Variants in PRR5 observed in about 807,000 individuals in gnomAD.
PRR5 encodes the protein proline rich 5, also known as proline-rich protein 5.
In PRR5, 25 loss-of-function variants were observed where a neutral mutation model predicts 30.6. That is an observed-to-expected ratio of 0.82 (90% CI 0.60 to 1.14). PRR5 has a LOEUF of 1.14. PRR5 is among the 50% of genes most tolerant of loss of function. The pLI is 0.00. For missense variants in PRR5, 600 were observed against 547.1 expected (o/e 1.10, Z -0.96); for synonymous variants, 286 against 247.1 (o/e 1.16, Z -1.48).
At chr22:44,704,410 G>A (rs1324216816) in intron 1 of PRR5, among the ~76,000 whole-genome samples, 1 of 152,108 alleles carries the variant, frequency 6.6e-6, no homozygotes, top group Non-Finnish European at 1.5e-5. Flanking sequence ...CCTGGAGTGG[G>A]CTCTGAGTCT....
chr22:44,729,388 C>A, intron 4 of PRR5: 1 of 985,172 alleles, frequency 1.0e-6, no homozygotes, highest in Non-Finnish European at 1.2e-6. Context: ...AGCGAGAACC[C>A]CAGAGTGGGA....
At chr22:44,729,203 C>T (rs1218218640) in intron 4 of PRR5, 4 of 758,626 alleles carry the variant, frequency 5.3e-6, no homozygotes, top group African/African-American at 1.9e-5. Flanking sequence ...GCCGTCCCCG[C>T]GCCAGACACC....
At chr22:44,730,393 C>G in intron 4 of PRR5, 2 of 985,262 alleles carry the variant, frequency 2.0e-6, no homozygotes, top group Non-Finnish European at 2.4e-6. Flanking sequence ...ACTGTGCATC[C>G]CTGGACCCAG....
chr22:44,716,635 T>C (rs1425302230), intron 2 of PRR5, among the ~76,000 whole-genome samples: 1 of 152,170 alleles, frequency 6.6e-6, no homozygotes, highest in Non-Finnish European at 1.5e-5. Context: ...CAGAGAGTGG[T>C]TGACGTGGGT....
upstream of PRR5, among the ~76,000 whole-genome samples, chr22:44,699,952 G>T (rs940901883): frequency 1.3e-5 from 2 of 150,834 alleles, no homozygotes; most frequent in Admixed American, 1.3e-4. Context: ...TTTTACAGCA[G>T]TAAGGTAGGA....
At chr22:44,730,167 G>A (rs1384689382) in intron 4 of PRR5, 1 of 985,116 alleles carries the variant, frequency 1.0e-6, no homozygotes, top group Non-Finnish European at 1.2e-6. Context: ...TTCCGGGAGT[G>A]GGGGCAGGGC....
At chr22:44,680,150 C>T (rs1924144877) in intron 1 of PRR5, among the ~76,000 whole-genome samples, 1 of 152,208 alleles carries the variant, frequency 6.6e-6, no homozygotes, top group South Asian at 2.1e-4. Flanking sequence ...CCGTAGGGCA[C>T]AGATACTGAT....
intron 1 of PRR5, among the ~76,000 whole-genome samples, chr22:44,692,176 G>T (rs1479061281): frequency 2.0e-5 from 3 of 151,142 alleles, no homozygotes; most frequent in Non-Finnish European, 4.4e-5. Flanking sequence ...TCCTCCCGGG[G>T]CTCCTCCACC....
chr22:44,682,616 G>T (rs9626518), intron 1 of PRR5, among the ~76,000 whole-genome samples: 14 of 152,096 alleles, frequency 9.2e-5, no homozygotes, highest in African/African-American at 3.4e-4. Context: ...ATTTGAATCC[G>T]GCACTTAGCT....
Position 44,737,341 on chromosome 22 carries a change from C to G in PRR5, c.*94C>G. 1.4e-6 allele frequency: 2 copies of G among 1,477,946 alleles called. No homozygotes were observed. Among genetic ancestry groups the G allele is most frequent in the Non-Finnish European group, 1.8e-6 (2 of 1,115,810 alleles). The allele number at this position is 1,477,946 out of a possible 1,614,324, so 91.6% of individuals were successfully genotyped here. On this transcript the variant is annotated 3_prime_UTR_variant, in exon 8 of 8. Coordinates refer to ENST00000336985, the MANE Select transcript of PRR5 (RefSeq NM_181333.4). ...TGTGAGTGAGACTTTTTTACTGCGT[C>G]CCGTCCCGCCAGCCCTATCGGCCTC...
upstream of PRR5, among the ~76,000 whole-genome samples, chr22:44,697,770 C>T (rs1009448793): frequency 3.9e-5 from 6 of 152,240 alleles, no homozygotes; most frequent in African/African-American, 4.8e-5. Flanking sequence ...ACTCTGACCT[C>T]GGACATACGC....
Position 44,729,918 on chromosome 22 carries a change from C to G in PRR5, c.323-1812C>G, listed in dbSNP as rs947359254. On this transcript the variant is annotated intron_variant, in intron 4 of 7. Coordinates refer to ENST00000336985, the MANE Select transcript of PRR5 (RefSeq NM_181333.4). ...TTCTTCCTGCCGCGGCGGAGGGGGA[C>G]TGAAGGGACTTTGTGTGTGGGCACA... 5 of 985,362 alleles carry G rather than the reference C, an allele frequency of 5.1e-6. No homozygotes were observed. The African/African-American group carries it at 5.2e-5, about 10-fold the overall frequency. The allele number at this position is 985,362 out of a possible 1,614,324, so 61.0% of individuals were successfully genotyped here. A position where few individuals can be genotyped will look rare whatever the true frequency, so the allele number is the denominator to read the frequency against.
chr22:44,695,862 A>C (rs1925697886), intron 1 of PRR5, among the ~76,000 whole-genome samples: 1 of 150,448 alleles, frequency 6.6e-6, no homozygotes, highest in Non-Finnish European at 1.5e-5. Flanking sequence ...CGGTCTCCCA[A>C]AGTGCGCCCA....
Position 44,737,035 on chromosome 22 carries a change from C to T in PRR5, c.955C>T (p.Pro319Ser). 6.2e-7 allele frequency: 1 copy of T among 1,604,004 alleles called. No individual in the cohort carries two copies. The highest frequency in any genetic ancestry group is 8.5e-7 in the Non-Finnish European group (1 of 1,175,314). Reference sequence around the variant, plus strand: ...CCCGGCGCCCCACTCAGGGCCCTGCCCCAGCAGACTGTACCCCACGACCCA... The same window carrying T: ...CCCGGCGCCCCACTCAGGGCCCTGCTCCAGCAGACTGTACCCCACGACCCA... ...SSPAPHSGPC[P>S]SRLYPTTQPP... The change falls in exon 8 of 8, where the codon CCC (proline) becomes TCC (serine). Residue 319 changes from proline to serine, a missense_variant. Coordinates refer to ENST00000336985, the MANE Select transcript of PRR5 (RefSeq NM_181333.4).
At chr22:44,730,852 G>A in intron 4 of PRR5, 1 of 447,718 alleles carries the variant, frequency 2.2e-6, no homozygotes. Context: ...TTCCTCGGAG[G>A]CTCAGCCTCT....
chr22:44,726,216 C>T lies in PRR5; in HGVS notation c.265-361C>T, dbSNP rs907872573. ...GTCCCTGAGGTAGGATGGCAGCTGA[C>T]GGGCCCGGCCTTTGGTAATCAGAGT... On this transcript the variant is annotated intron_variant, in intron 3 of 7. Coordinates refer to ENST00000336985, the MANE Select transcript of PRR5 (RefSeq NM_181333.4). 3.3e-5 allele frequency among the ~76,000 whole-genome samples: 5 copies of T among 152,194 alleles called. No homozygotes were observed. In the East Asian group the frequency reaches 5.8e-4, roughly 18 times the overall value.
chr22:44,732,203 G>A, intron 5 of PRR5, 48 bp from the exon 6 acceptor site: 2 of 1,599,036 alleles, frequency 1.3e-6, no homozygotes, highest in East Asian at 2.2e-5. Context: ...GGGGAGATGA[G>A]GACGCATGTG....
At position 44,691,382 on chromosome 22, in the gene PRR5, C is replaced by T. The variant is rs941321232; in HGVS notation, c.-10-11110C>T. ...GCTGGAGGGGTTGTGGTGGGGAGGC[C>T]GTGGCCCGCGCTGGGCACAGCATGT... On this transcript the variant is annotated intron_variant, in intron 1 of 8. Transcript: ENST00000006251. This position sits in a 1 kb window ranked among gnomAD's most constrained non-coding sequence, Gnocchi z 4.4. 2.0e-5 allele frequency among the ~76,000 whole-genome samples: 3 copies of T among 152,078 alleles called. No individual in the cohort carries two copies. The highest frequency in any genetic ancestry group is 2.9e-5 in the Non-Finnish European group (2 of 67,990).
chr22:44,725,975 A>T (rs1367138049), intron 3 of PRR5, among the ~76,000 whole-genome samples: 1 of 152,110 alleles, frequency 6.6e-6, no homozygotes. Flanking sequence ...AATTCTGTAC[A>T]TTTCATATTG....
Sources: gnomAD v4.1 joint callset for allele counts (sites outside exome capture counted in the v4.1 genomes callset) on GRCh38, gnomAD v4.1.1 for gene constraint, Gnocchi (gnomAD v3.1) non-coding constraint, MANE v1.5 for transcripts, NCBI Gene and HGNC (gene_info 2026-07-23, HGNC 2026-07-21) for gene names.